SORCS1: variants seen among roughly 807,000 people sequenced by gnomAD.
SORCS1 encodes the protein VPS10 domain-containing receptor SorCS1.
In SORCS1, 60 loss-of-function variants were observed where a neutral mutation model predicts 146.1. That is an observed-to-expected ratio of 0.41 (90% confidence interval 0.33 to 0.51). The LOEUF is 0.51. Among genes scored for constraint, SORCS1 ranks in the 20% least tolerant of loss-of-function variants. The pLI is 0.21. For missense variants in SORCS1, 1,352 were observed against 1,487.6 expected, an observed-to-expected ratio of 0.91 and a Z score of 1.50; for synonymous variants, 637 against 584.0, an observed-to-expected ratio of 1.09 and a Z score of -1.31.
intron 17 of SORCS1, among the ~76,000 whole-genome samples, chr10:106,666,267 C>T (rs545286880): frequency 1.3e-5 from 2 of 152,212 alleles, no homozygotes; most frequent in Non-Finnish European, 2.9e-5. Context: ...TTGACAGTTC[C>T]CAAAGTAAGA....
At chr10:106,924,395 A>C (rs2138459291) in intron 2 of SORCS1, among the ~76,000 whole-genome samples, 1 of 152,342 alleles carries the variant, frequency 6.6e-6, no homozygotes, top group Middle Eastern at 3.4e-3. Context: ...GTAAAAATAA[A>C]GCAAAGCAAA....
At chr10:107,071,457 C>A (rs190983016) in intron 1 of SORCS1, among the ~76,000 whole-genome samples, 27 of 152,280 alleles carry the variant, frequency 1.8e-4, no homozygotes, top group African/African-American at 5.8e-4. Context: ...AACCTATGAA[C>A]CTCTTCGAGG....
chr10:106,921,910 C>T (rs1038799413), intron 2 of SORCS1, among the ~76,000 whole-genome samples: 1 of 152,176 alleles, frequency 6.6e-6, no homozygotes, highest in African/African-American at 2.4e-5. Context: ...ATATAATTCA[C>T]GCACCTTATT....
chr10:106,660,495 T>C (rs1367089723), intron 17 of SORCS1, among the ~76,000 whole-genome samples: 1 of 152,246 alleles, frequency 6.6e-6, no homozygotes, highest in East Asian at 1.9e-4. Flanking sequence ...AAGTTATTTA[T>C]AAAAAGCATC....
At chr10:106,957,613 A>T (rs548725138) in intron 1 of SORCS1, among the ~76,000 whole-genome samples, 1 of 152,312 alleles carries the variant, frequency 6.6e-6, no homozygotes, top group South Asian at 2.1e-4. Context: ...TTTAACGAGC[A>T]AATCTATTTC....
chr10:107,131,844 T>C (rs564803132), intron 1 of SORCS1, among the ~76,000 whole-genome samples: 1 of 152,302 alleles, frequency 6.6e-6, no homozygotes, highest in East Asian at 1.9e-4. Flanking sequence ...CAATCCACTT[T>C]ACAGACTGAG....
intron 5 of SORCS1, among the ~76,000 whole-genome samples, chr10:106,737,058 T>TGAGTGTGC (rs1379857335): frequency 6.6e-6 from 1 of 151,726 alleles, no homozygotes; most frequent in Non-Finnish European, 1.5e-5. Context: ...TGTGTGCATG[T>TGAGTGTGC]GAGTGTGTGT....
At chr10:106,978,313 AGAG>A (rs1956118328) in intron 1 of SORCS1, among the ~76,000 whole-genome samples, 1 of 152,166 alleles carries the variant, frequency 6.6e-6, no homozygotes, top group Non-Finnish European at 1.5e-5. Context: ...CTGAAAAGAT[AGAG>A]GATGGCCTTT....
intron 1 of SORCS1, among the ~76,000 whole-genome samples, chr10:107,142,573 T>G: frequency 1.3e-5 from 2 of 152,232 alleles, no homozygotes; most frequent in East Asian, 3.9e-4. Context: ...AGTCTAAATT[T>G]ATATATTTTA....
chr10:106,901,897 A>G (rs1248336882), intron 2 of SORCS1, among the ~76,000 whole-genome samples: 1 of 152,164 alleles, frequency 6.6e-6, no homozygotes, highest in Admixed American at 6.5e-5. Flanking sequence ...CAAAAAAATT[A>G]GCCAGGCATG....
At chr10:106,600,889 T>C (rs943248815) in intron 23 of SORCS1, among the ~76,000 whole-genome samples, 1 of 152,134 alleles carries the variant, frequency 6.6e-6, no homozygotes, top group Non-Finnish European at 1.5e-5. Flanking sequence ...TCTGGCAGGA[T>C]AGGTTTATAA....
intron 7 of SORCS1, among the ~76,000 whole-genome samples, chr10:106,708,781 T>A (rs899471105): frequency 2.0e-5 from 3 of 152,188 alleles, no homozygotes; most frequent in African/African-American, 4.8e-5. Context: ...TTCCCATTCC[T>A]GCTTCTCCAC....
chr10:106,645,957 G>C (rs958606678), intron 18 of SORCS1, among the ~76,000 whole-genome samples: 2 of 151,838 alleles, frequency 1.3e-5, no homozygotes, highest in Non-Finnish European at 2.9e-5. Flanking sequence ...TTTTAATGTA[G>C]TCCTATTTAA....
chr10:106,588,532 C>T (rs372782366), intron 24 of SORCS1, among the ~76,000 whole-genome samples: 64 of 152,004 alleles, frequency 4.2e-4, no homozygotes, highest in African/African-American at 9.9e-4. Context: ...AAGAGGCCAC[C>T]GTCGTAAGCA....
At chr10:107,022,155 C>G (rs1321929632) in intron 1 of SORCS1, among the ~76,000 whole-genome samples, 2 of 152,106 alleles carry the variant, frequency 1.3e-5, no homozygotes, top group African/African-American at 4.8e-5. Context: ...AACCCACAAG[C>G]AAGTGGTTCT....
intron 2 of SORCS1, among the ~76,000 whole-genome samples, chr10:106,894,838 A>G (rs1202950773): frequency 2.0e-5 from 3 of 152,252 alleles, no homozygotes; most frequent in African/African-American, 7.2e-5. Flanking sequence ...CTAGTTCAGA[A>G]ACAGTGTAAT....
intron 1 of SORCS1, among the ~76,000 whole-genome samples, chr10:107,047,804 G>C (rs1959653025): frequency 6.6e-6 from 1 of 152,100 alleles, no homozygotes; most frequent in Non-Finnish European, 1.5e-5. Context: ...AAGCTTGCCG[G>C]GTGCGTTGGC....
intron 1 of SORCS1, among the ~76,000 whole-genome samples, chr10:107,140,316 A>C (rs1197086546): frequency 1.3e-5 from 2 of 152,238 alleles, no homozygotes; most frequent in Non-Finnish European, 2.9e-5. Flanking sequence ...GACTTCTAGA[A>C]GTATGCTATG....
intron 9 of SORCS1, 24 bp downstream of exon 9, chr10:106,699,190 G>A (rs1853938520): frequency 1.9e-6 from 3 of 1,585,144 alleles, no homozygotes; most frequent in East Asian, 4.5e-5. Context: ...TGTGGCTTAG[G>A]ACCACATATG....
Sources: allele counts gnomAD v4.1 joint callset (sites outside exome capture counted in the v4.1 genomes callset), GRCh38; gene constraint gnomAD v4.1.1; transcripts MANE v1.5; gene names NCBI Gene and HGNC (gene_info 2026-07-23, HGNC 2026-07-21).